The following LRRC1 variants were observed in gnomAD, a reference collection of about 807,000 sequenced individuals.
The protein encoded by LRRC1 is leucine rich repeat containing 1.
Under a neutral mutation model 69.9 loss-of-function variants are expected in LRRC1, and 28 were observed. The ratio of observed to expected loss-of-function variants is 0.40; its 90% CI spans 0.30 to 0.55. LRRC1 has a LOEUF of 0.55. LRRC1 is among the 20% of genes least tolerant of loss of function. The pLI, the probability that LRRC1 is intolerant of heterozygous loss-of-function variation, is 0.47. For missense variants in LRRC1, 498 were observed against 609.0 expected (o/e 0.82, Z 1.92); for synonymous variants, 236 against 240.2 (o/e 0.98, Z 0.16).
At position 53,922,886 on chromosome 6, in the gene LRRC1, AC is replaced by A; in HGVS notation, c.*95del. Reference sequence around the variant, plus strand: ...GGAGCCTCACGTGCTCCTTGTCCTAACCAGCCCCCGCGCGCCATCTTCCCGT... The same window carrying A: ...GGAGCCTCACGTGCTCCTTGTCCTAACAGCCCCCGCGCGCCATCTTCCCGT... On this transcript the variant is annotated 3_prime_UTR_variant, in exon 14 of 14. Coordinates refer to ENST00000370888, the MANE Select transcript of LRRC1 (RefSeq NM_018214.5). 1 of 1,261,638 alleles carries A rather than the reference AC, an allele frequency of 7.9e-7. No homozygotes were observed. 78.2% of individuals were successfully genotyped at this position (1,261,638 alleles called of 1,614,324 possible). A position where few individuals can be genotyped will look rare whatever the true frequency, so the allele number is the denominator to read the frequency against.
At chr6:53,811,370 A>G (rs1764788784) in intron 1 of LRRC1, among the ~76,000 whole-genome samples, 1 of 152,234 alleles carries the variant, frequency 6.6e-6, no homozygotes, top group South Asian at 2.1e-4. Context: ...CTGAGTCAGC[A>G]TGTCCTGCTG....
intron 8 of LRRC1, among the ~76,000 whole-genome samples, chr6:53,901,120 A>G (rs1194160240): frequency 1.3e-5 from 2 of 152,188 alleles, no homozygotes; most frequent in African/African-American, 4.8e-5. Context: ...GAGACTGGGC[A>G]TGTTTTGTTG....
At chr6:53,914,080 C>CCTG in intron 11 of LRRC1, 111 bp downstream of exon 11, 1 of 707,510 alleles carries the variant, frequency 1.4e-6, no homozygotes, top group Admixed American at 2.5e-5. Context: ...GAATATAATC[C>CCTG]TGATTTTTCA....
intron 1 of LRRC1, among the ~76,000 whole-genome samples, chr6:53,824,797 A>G (rs540508556): frequency 1.3e-5 from 2 of 152,310 alleles, no homozygotes; most frequent in Admixed American, 1.3e-4. Context: ...GTAGAATCCT[A>G]GGGTCAAGAA....
intron 1 of LRRC1, among the ~76,000 whole-genome samples, chr6:53,813,193 A>T (rs1460199471): frequency 6.6e-6 from 1 of 152,176 alleles, no homozygotes; most frequent in Non-Finnish European, 1.5e-5. Flanking sequence ...CAGATCCAGG[A>T]TACTGGAGTT....
At chr6:53,797,978 C>T (rs931467824) in intron 1 of LRRC1, among the ~76,000 whole-genome samples, 2 of 152,200 alleles carry the variant, frequency 1.3e-5, no homozygotes, top group African/African-American at 4.8e-5. Context: ...CTGTTTTACT[C>T]ATGTCATTAT....
chr6:53,862,807 GA>G (rs907647214), intron 2 of LRRC1, among the ~76,000 whole-genome samples: 3 of 152,028 alleles, frequency 2.0e-5, no homozygotes, highest in Admixed American at 2.0e-4. Context: ...GGATGCATTT[GA>G]AAAAAATTCT....
intron 1 of LRRC1, among the ~76,000 whole-genome samples, chr6:53,809,034 T>A (rs926754850): frequency 3.3e-5 from 5 of 152,146 alleles, no homozygotes; most frequent in Non-Finnish European, 7.4e-5. Context: ...TATACATACT[T>A]AAAGTCAAAG....
At chr6:53,845,599 TAACCAGGGCTGGCCAGTCATGA>T in intron 2 of LRRC1, among the ~76,000 whole-genome samples, 1 of 152,312 alleles carries the variant, frequency 6.6e-6, no homozygotes, top group South Asian at 2.1e-4. Context: ...AGCAGGGTTA[TAACCAGGGCTGGCCAGTCATGA>T]TAGGACCTTC....
intron 4 of LRRC1, among the ~76,000 whole-genome samples, chr6:53,887,448 T>C (rs1221749496): frequency 6.6e-6 from 1 of 151,996 alleles, no homozygotes; most frequent in Non-Finnish European, 1.5e-5. Flanking sequence ...TTCTGTGCGA[T>C]GAAGGGAGAG....
intron 11 of LRRC1, 130 bp downstream of exon 11, chr6:53,914,099 A>T: frequency 3.2e-6 from 2 of 631,072 alleles, no homozygotes; most frequent in Non-Finnish European, 5.6e-6. Context: ...CAAATGACCT[A>T]GGCCTCAGGG....
intron 1 of LRRC1, among the ~76,000 whole-genome samples, chr6:53,823,409 A>C (rs1016241790): frequency 2.6e-5 from 4 of 152,214 alleles, no homozygotes; most frequent in Non-Finnish European, 5.9e-5. Flanking sequence ...CATGAAAAGT[A>C]GTGCTAGGGT....
At chr6:53,814,219 T>C (rs924498342) in intron 1 of LRRC1, among the ~76,000 whole-genome samples, 11 of 152,220 alleles carry the variant, frequency 7.2e-5, no homozygotes, top group African/African-American at 2.4e-4. Flanking sequence ...ATCTTCTATT[T>C]TCTTAGTTTT....
intron 4 of LRRC1, among the ~76,000 whole-genome samples, chr6:53,884,331 C>T (rs1325092720): frequency 1.3e-5 from 2 of 151,906 alleles, no homozygotes; most frequent in African/African-American, 2.4e-5. Context: ...ATGACGATAA[C>T]CCATCTCTAC....
intron 2 of LRRC1, among the ~76,000 whole-genome samples, chr6:53,854,114 G>A (rs896459160): frequency 2.0e-5 from 3 of 152,208 alleles, no homozygotes; most frequent in African/African-American, 7.2e-5. Context: ...ACTCTGACCT[G>A]GTTAGCCACC....
chr6:53,876,790 G>T (rs1767083104), intron 2 of LRRC1, among the ~76,000 whole-genome samples: 2 of 152,192 alleles, frequency 1.3e-5, no homozygotes, highest in Admixed American at 1.3e-4. Flanking sequence ...CTGTGACTTT[G>T]CAGGGTATAA....
At position 53,900,120 on chromosome 6, in the gene LRRC1, C is replaced by T. The variant is rs1434830090; in HGVS notation, c.787+229C>T. On this transcript the variant is annotated intron_variant, in intron 8 of 13. Transcript: ENST00000370888. ...TGGTGCAATCTCAGCTCACTGCCAG[C>T]TCCGCCTCCTGGGTTCACACCATTC... Among the ~76,000 whole-genome samples, 3 of 147,446 alleles carry T rather than the reference C, an allele frequency of 2.0e-5. No individual in the cohort carries two copies. In the East Asian group the frequency reaches 6.3e-4, roughly 31 times the overall value.
At chr6:53,859,629 G>T (rs1464366618) in intron 2 of LRRC1, among the ~76,000 whole-genome samples, 2 of 152,120 alleles carry the variant, frequency 1.3e-5, no homozygotes, top group Non-Finnish European at 2.9e-5. Context: ...CAAAATTCAA[G>T]CATCTATTAT....
intron 4 of LRRC1, among the ~76,000 whole-genome samples, chr6:53,885,357 T>C (rs187708674): frequency 1.3e-5 from 2 of 152,376 alleles, no homozygotes; most frequent in Admixed American, 1.3e-4. Context: ...ATAGTTTCTT[T>C]AGAGCATTTA....
Sources: gnomAD v4.1 joint callset for allele counts (sites outside exome capture counted in the v4.1 genomes callset) on GRCh38, gnomAD v4.1.1 for gene constraint, MANE v1.5 for transcripts, NCBI Gene and HGNC (gene_info 2026-07-23, HGNC 2026-07-21) for gene names.